Variants in SLC2A9 observed in about 807,000 individuals in gnomAD.
SLC2A9 encodes solute carrier family 2 member 9.
In SLC2A9, 39 loss-of-function variants were observed where a neutral mutation model predicts 50.6. That is an observed-to-expected ratio of 0.77 (90% CI 0.60 to 1.01). The LOEUF (loss-of-function observed/expected upper bound fraction) is 1.01. Among genes scored for constraint, SLC2A9 ranks in the 50% least tolerant of loss-of-function variants. The pLI, the probability that SLC2A9 is intolerant of heterozygous loss-of-function variation, is 0.00. For missense variants in SLC2A9, 686 were observed against 677.6 expected (o/e 1.01, Z -0.14); for synonymous variants, 324 against 276.9 (o/e 1.17, Z -1.69).
At chr4:9,842,096 A>T (rs1418852685) in intron 10 of SLC2A9, among the ~76,000 whole-genome samples, 1 of 151,830 alleles carries the variant, frequency 6.6e-6, no homozygotes, top group Admixed American at 6.6e-5. Context: ...ATTTTTTTTC[A>T]ATCTGTGTAA....
At chr4:9,787,283 T>C (rs1719348690) in intron 3 of SLC2A9, among the ~76,000 whole-genome samples, 2 of 152,202 alleles carry the variant, frequency 1.3e-5, no homozygotes, top group Non-Finnish European at 1.5e-5. Flanking sequence ...GGGGAGGTGA[T>C]CAGACTTTAC....
chr4:9,852,208 C>T (rs1210073794), intron 10 of SLC2A9, among the ~76,000 whole-genome samples: 1 of 151,354 alleles, frequency 6.6e-6, no homozygotes, highest in African/African-American at 2.4e-5. Context: ...AGCAGAAACC[C>T]TATAAGCCAG....
At chr4:10,019,231 C>A in intron 1 of SLC2A9, 158 bp from the exon 2 acceptor site, 1 of 657,700 alleles carries the variant, frequency 1.5e-6, no homozygotes, top group Non-Finnish European at 2.7e-6. Flanking sequence ...AAGTTGGGGA[C>A]CTGCAAGTAG....
At chr4:9,950,841 C>T (rs1167015533) in intron 5 of SLC2A9, among the ~76,000 whole-genome samples, 1 of 30,116 alleles carries the variant, frequency 3.3e-5, no homozygotes, top group Admixed American at 4.4e-4. Flanking sequence ...TGCAGTGAGC[C>T]GAGATCGCGC....
chr4:9,938,148 C>G (rs759691510), intron 6 of SLC2A9, among the ~76,000 whole-genome samples: 10 of 152,134 alleles, frequency 6.6e-5, no homozygotes, highest in Non-Finnish European at 4.4e-5. Context: ...GATTACTTAT[C>G]TAACTGTTCT....
intron 8 of SLC2A9, among the ~76,000 whole-genome samples, chr4:9,893,764 T>C (rs1190061129): frequency 3.3e-5 from 5 of 151,902 alleles, no homozygotes; most frequent in Non-Finnish European, 5.9e-5. Context: ...GCAAAGGTAA[T>C]AGGAGAAAAG....
At chr4:9,789,722 T>C (rs558409353) in intron 3 of SLC2A9, among the ~76,000 whole-genome samples, 3 of 152,360 alleles carry the variant, frequency 2.0e-5, no homozygotes, top group Admixed American at 2.0e-4. Flanking sequence ...CATCAGACTT[T>C]TGCTTTGACA....
chr4:9,940,225 T>C (rs1484110504), intron 6 of SLC2A9, among the ~76,000 whole-genome samples: 2 of 152,186 alleles, frequency 1.3e-5, no homozygotes, highest in African/African-American at 4.8e-5. Flanking sequence ...TGGTTCTCTC[T>C]CTTAGTCACC....
At chr4:9,785,975 G>A (rs898598861) in intron 3 of SLC2A9, among the ~76,000 whole-genome samples, 26 of 152,206 alleles carry the variant, frequency 1.7e-4, no homozygotes, top group African/African-American at 6.3e-4. Context: ...CCTTGACGAA[G>A]TAAGGGTTGG....
intron 1 of SLC2A9, among the ~76,000 whole-genome samples, chr4:9,773,817 C>T (rs1717161146): frequency 6.6e-6 from 1 of 152,052 alleles, no homozygotes; most frequent in Non-Finnish European, 1.5e-5. Context: ...TAAGAGAGGA[C>T]ACCCACTACT....
intron 6 of SLC2A9, among the ~76,000 whole-genome samples, chr4:9,936,392 G>A (rs1747087424): frequency 6.6e-6 from 1 of 152,174 alleles, no homozygotes; most frequent in South Asian, 2.1e-4. Context: ...AGACGGGGCT[G>A]GACCCCAGCT....
At chr4:10,026,125 C>A, upstream of SLC2A9, 1 of 687,884 alleles carries the variant, frequency 1.5e-6, no homozygotes, top group Non-Finnish European at 2.6e-6. Context: ...GGCTGGGATG[C>A]CAGGATAGGA....
chr4:9,960,147 C>A (rs1010960619), intron 5 of SLC2A9, among the ~76,000 whole-genome samples: 1 of 152,208 alleles, frequency 6.6e-6, no homozygotes, highest in Non-Finnish European at 1.5e-5. Flanking sequence ...AATTTGAAAT[C>A]TGCCAGAAGC....
At chr4:9,772,769 T>C (rs1387513137) in intron 1 of SLC2A9, among the ~76,000 whole-genome samples, 4 of 152,348 alleles carry the variant, frequency 2.6e-5, no homozygotes, top group Non-Finnish European at 4.4e-5. Context: ...GCATCTCATT[T>C]ACCCATGATA....
intron 3 of SLC2A9, among the ~76,000 whole-genome samples, chr4:9,809,398 TG>T (rs1189520740): frequency 6.6e-6 from 1 of 152,154 alleles, no homozygotes; most frequent in Non-Finnish European, 1.5e-5. Context: ...GGGTTGGGCA[TG>T]GGTAGCCCAC....
At chr4:9,798,432 A>G (rs760517895), downstream of SLC2A9, among the ~76,000 whole-genome samples, 1 of 152,218 alleles carries the variant, frequency 6.6e-6, no homozygotes, top group Non-Finnish European at 1.5e-5. Context: ...GATTGTCTTC[A>G]TGGGTTACTT....
At chr4:9,908,374 G>C (rs199577702) in intron 7 of SLC2A9, 29 bp from the exon 8 acceptor site, 2 of 1,475,218 alleles carry the variant, frequency 1.4e-6, no homozygotes. Context: ...TGAGCAGAGA[G>C]AATGGTCAGT....
At chr4:10,038,432 A>C (rs924261052) in intron 1 of SLC2A9, among the ~76,000 whole-genome samples, 1 of 142,026 alleles carries the variant, frequency 7.0e-6, no homozygotes, top group African/African-American at 2.6e-5. Context: ...ACTTAAACCC[A>C]GGAGATGGAA....
chr4:9,986,894 G>A (rs777192498), intron 3 of SLC2A9, among the ~76,000 whole-genome samples: 4 of 152,192 alleles, frequency 2.6e-5, no homozygotes, highest in Non-Finnish European at 5.9e-5. Flanking sequence ...TCAGGAGCTA[G>A]GAGACTTTGA....
Sources: allele counts gnomAD v4.1 joint callset (sites outside exome capture counted in the v4.1 genomes callset), GRCh38; gene constraint gnomAD v4.1.1; transcripts MANE v1.5; gene names NCBI Gene and HGNC (gene_info 2026-07-23, HGNC 2026-07-21).